The following CDH18 variants were observed in gnomAD, a reference collection of about 807,000 sequenced individuals.
The protein encoded by CDH18 is cadherin-18.
Under a neutral mutation model 67.9 loss-of-function variants are expected in CDH18, and 31 were observed. The observed-to-expected ratio is 0.46, with a 90% CI of 0.34 to 0.62. The LOEUF is 0.62. Ranked by LOEUF, CDH18 falls within the 20% of genes least tolerant of loss-of-function variation. The probability of loss-of-function intolerance (pLI) is 0.01; values close to 1 mark genes in which losing one functional copy is unlikely to be tolerated. For missense variants in CDH18, 890 were observed against 975.5 expected (o/e 0.91, Z 1.17); for synonymous variants, 362 against 347.2 (o/e 1.04, Z -0.48).
At chr5:20,487,203 G>T (rs559815908) in intron 1 of CDH18, among the ~76,000 whole-genome samples, 1 of 152,052 alleles carries the variant, frequency 6.6e-6, no homozygotes, top group East Asian at 1.9e-4. Flanking sequence ...TTCCAGTGAC[G>T]TTAAGGGATC....
rs78366679 is a variant in CDH18, at chr5:19,471,335, T to G, written c.*1891A>C. Among the ~76,000 whole-genome samples, 2,183 of 152,180 alleles carry G rather than the reference T, an allele frequency of 0.014. 52 individuals carry two copies. The highest frequency in any genetic ancestry group is 0.05 in the African/African-American group (2,059 of 41,536). ...TAAATTACATTTTATTCCTCAGGCT[T>G]AAAACACAAATTGAGAATTATTCAA... On this transcript the variant is annotated 3_prime_UTR_variant, in exon 13 of 13. Coordinates refer to ENST00000382275, the MANE Select transcript of CDH18 (RefSeq NM_004934.5).
At chr5:20,487,716 A>G (rs919578062) in intron 1 of CDH18, among the ~76,000 whole-genome samples, 2 of 151,012 alleles carry the variant, frequency 1.3e-5, no homozygotes, top group Non-Finnish European at 2.9e-5. Context: ...AACTGCCACA[A>G]ATTTGTTAGG....
At chr5:20,456,811 G>T (rs558302786) in intron 1 of CDH18, among the ~76,000 whole-genome samples, 1 of 152,234 alleles carries the variant, frequency 6.6e-6, no homozygotes, top group African/African-American at 2.4e-5. Flanking sequence ...GAAGAATGTA[G>T]CTGCCTAGAT....
In CDH18 at chr5:20,417,788, A is replaced by C. The variant is rs1580953637; in HGVS notation, c.-580+157674T>G. Reference sequence around the variant, plus strand: ...AGAATGGAGTATGCTGATCCTACTCATACCCTTATCAAAGGATACACTAGG... The same window carrying C: ...AGAATGGAGTATGCTGATCCTACTCCTACCCTTATCAAAGGATACACTAGG... On this transcript the variant is annotated intron_variant, in intron 1 of 14. Coordinates refer to the CDH18 transcript ENST00000507958. Among the ~76,000 whole-genome samples the C allele has an allele frequency of 2.6e-5, 4 of 152,338 alleles. No individual in the cohort carries two copies. In the South Asian group the frequency reaches 8.3e-4, roughly 32 times the overall value.
chr5:19,593,158 T>A (rs184518509), intron 6 of CDH18, among the ~76,000 whole-genome samples: 2 of 152,276 alleles, frequency 1.3e-5, no homozygotes, highest in Admixed American at 1.3e-4. Context: ...GTAATCCTGA[T>A]TTCGATTTTT....
At chr5:19,774,043 A>G (rs2149750653) in intron 3 of CDH18, among the ~76,000 whole-genome samples, 1 of 152,320 alleles carries the variant, frequency 6.6e-6, no homozygotes, top group Middle Eastern at 3.4e-3. Flanking sequence ...CAGGGTATTA[A>G]TCACTTTTGG....
chr5:19,878,996 A>C (rs1027445706), intron 2 of CDH18, among the ~76,000 whole-genome samples: 1 of 151,962 alleles, frequency 6.6e-6, no homozygotes, highest in Admixed American at 6.6e-5. Flanking sequence ...TCATTTATTC[A>C]TGCATTCAAA....
chr5:20,205,044 C>G (rs1739773518), intron 2 of CDH18, among the ~76,000 whole-genome samples: 1 of 151,826 alleles, frequency 6.6e-6, no homozygotes, highest in African/African-American at 2.4e-5. Context: ...AACAGAATGG[C>G]AATAACATGC....
chr5:19,542,954 T>A (rs1369817138), intron 9 of CDH18, among the ~76,000 whole-genome samples: 1 of 152,158 alleles, frequency 6.6e-6, no homozygotes, highest in Non-Finnish European at 1.5e-5. Flanking sequence ...TTTTAATGTT[T>A]TAGACCCTCT....
intron 1 of CDH18, among the ~76,000 whole-genome samples, chr5:20,382,072 A>G (rs373531047): frequency 6.6e-6 from 1 of 152,288 alleles, no homozygotes; most frequent in East Asian, 1.9e-4. Flanking sequence ...TATGTTCACT[A>G]GTTCTCCAAA....
At chr5:20,090,683 A>G (rs1033766279) in intron 2 of CDH18, among the ~76,000 whole-genome samples, 1 of 152,186 alleles carries the variant, frequency 6.6e-6, no homozygotes, top group Non-Finnish European at 1.5e-5. Context: ...GAAATGGATA[A>G]GTGAACTTCT....
intron 2 of CDH18, among the ~76,000 whole-genome samples, chr5:20,103,069 G>A (rs1488034937): frequency 1.3e-5 from 2 of 152,188 alleles, no homozygotes; most frequent in African/African-American, 4.8e-5. Flanking sequence ...GAGCATATCA[G>A]TAACTCAATG....
chr5:20,173,611 A>C (rs568785394), intron 2 of CDH18, among the ~76,000 whole-genome samples: 1 of 152,306 alleles, frequency 6.6e-6, no homozygotes, highest in East Asian at 1.9e-4. Context: ...GCATTTAAAA[A>C]TATCACTGAC....
Position 19,472,840 on chromosome 5 carries a change from C to A in CDH18, c.*386G>T. 1 of 178,000 alleles carries A rather than the reference C, an allele frequency of 5.6e-6. No homozygotes were observed. Among genetic ancestry groups the A allele is most frequent in the Non-Finnish European group, 1.2e-5 (1 of 82,630 alleles). 11.0% of individuals were successfully genotyped at this position (178,000 alleles called of 1,614,324 possible). A position where few individuals can be genotyped will look rare whatever the true frequency, so the allele number is the denominator to read the frequency against. On this transcript the variant is annotated 3_prime_UTR_variant, in exon 13 of 13. Coordinates refer to ENST00000382275, the MANE Select transcript of CDH18 (RefSeq NM_004934.5). The stretch of plus-strand genomic sequence containing the variant: ...GTTTCCTGTATTAGTGTTACCACCC[C>A]TATAAGTCATAACCACCAGTGATCT...
chr5:19,599,948 A>G (rs560968079), intron 6 of CDH18, among the ~76,000 whole-genome samples: 74 of 152,064 alleles, frequency 4.9e-4, no homozygotes, highest in African/African-American at 1.7e-3. Context: ...AAGAAATCCA[A>G]TTCCCATAAT....
At chr5:19,747,661 A>T (rs1383126561) in intron 3 of CDH18, among the ~76,000 whole-genome samples, 1 of 152,018 alleles carries the variant, frequency 6.6e-6, no homozygotes, top group Non-Finnish European at 1.5e-5. Context: ...GAAAAAAAAT[A>T]TATGGTAGGA....
chr5:20,107,150 C>G (rs1747020010), intron 2 of CDH18, among the ~76,000 whole-genome samples: 2 of 151,428 alleles, frequency 1.3e-5, no homozygotes, highest in Admixed American at 6.6e-5. Context: ...GCGAGATCTC[C>G]TCTCACTGCA....
intron 1 of CDH18, among the ~76,000 whole-genome samples, chr5:20,533,251 C>G (rs1756523528): frequency 6.6e-6 from 1 of 152,064 alleles, no homozygotes; most frequent in African/African-American, 2.4e-5. Context: ...AAGAAACCCA[C>G]CCTGCCAACA....
At chr5:19,731,982 C>T (rs1217635623) in intron 4 of CDH18, among the ~76,000 whole-genome samples, 1 of 151,216 alleles carries the variant, frequency 6.6e-6, no homozygotes, top group Non-Finnish European at 1.5e-5. Context: ...TCTAGCTACT[C>T]AGGAGGCTGA....
Sources: gnomAD v4.1 joint callset for allele counts (sites outside exome capture counted in the v4.1 genomes callset) on GRCh38, gnomAD v4.1.1 for gene constraint, MANE v1.5 for transcripts, NCBI Gene and HGNC (gene_info 2026-07-23, HGNC 2026-07-21) for gene names.